Variants in FAM185A observed in about 807,000 individuals in gnomAD.
FAM185A encodes family with sequence similarity 185 member A.
A neutral mutation model predicts 45.7 loss-of-function variants in FAM185A; 21 were observed. The observed-to-expected ratio is 0.46, with a 90% CI of 0.33 to 0.66. The LOEUF (loss-of-function observed/expected upper bound fraction) is 0.66. Ranked by LOEUF, FAM185A falls within the 30% of genes least tolerant of loss-of-function variation. The pLI is 0.03. For synonymous variants in FAM185A, 117 were observed against 194.0 expected, an observed-to-expected ratio of 0.60 and a Z score of 3.30; for missense variants, 305 against 485.4, an observed-to-expected ratio of 0.63 and a Z score of 3.49.
chr7:102,778,879 T>C (rs1331187929), intron 6 of FAM185A, among the ~76,000 whole-genome samples: 1 of 152,228 alleles, frequency 6.6e-6, no homozygotes, highest in East Asian at 1.9e-4. Flanking sequence ...TGGAATCCAT[T>C]CCAACTCTGC....
chr7:102,827,750 C>T, the FAM185A span, among the ~76,000 whole-genome samples: 23 of 152,166 alleles, frequency 1.5e-4, no homozygotes, highest in Admixed American at 1.0e-3. Context: ...TTGTTCAATT[C>T]CCACCTATGA....
rs527738651 is a variant in FAM185A, at chr7:102,790,347, T to C, written c.1066+2878T>C. ...GTTTTTTACCTCTATTATAATCTTATGGGACAACCATCATTTCTGTAGTTC... is the reference window on the plus strand; with the variant it reads ...GTTTTTTACCTCTATTATAATCTTACGGGACAACCATCATTTCTGTAGTTC... On this transcript the variant is annotated intron_variant, in intron 7 of 7. Transcript: ENST00000413034. Among the ~76,000 whole-genome samples, 8 of 152,310 alleles carry C rather than the reference T, an allele frequency of 5.3e-5. No homozygotes were observed. The East Asian group carries it at 1.3e-3, about 26-fold the overall frequency.
the FAM185A span, among the ~76,000 whole-genome samples, chr7:102,848,725 G>A: frequency 0.014 from 2,128 of 152,022 alleles, 115 homozygotes; most frequent in East Asian, 0.16. Flanking sequence ...CAGGCACGGC[G>A]CCTCACACCC....
At chr7:102,829,325 C>A in the FAM185A span, among the ~76,000 whole-genome samples, 1 of 152,320 alleles carries the variant, frequency 6.6e-6, no homozygotes, top group South Asian at 2.1e-4. Flanking sequence ...CAGACTCAGA[C>A]AAGTTGGTAA....
At chr7:102,814,052 G>C (rs1214552735), downstream of FAM185A, among the ~76,000 whole-genome samples, 1 of 152,018 alleles carries the variant, frequency 6.6e-6, no homozygotes, top group Non-Finnish European at 1.5e-5. Flanking sequence ...TGACTCAAAG[G>C]TGTCACAACA....
intron 4 of FAM185A, among the ~76,000 whole-genome samples, chr7:102,764,833 A>T (rs1794294243): frequency 6.6e-6 from 1 of 152,146 alleles, no homozygotes; most frequent in Non-Finnish European, 1.5e-5. Context: ...AGCAGAAAAA[A>T]AAAATCCAAC....
At chr7:102,788,507 A>C (rs2129441826) in intron 7 of FAM185A, among the ~76,000 whole-genome samples, 1 of 152,322 alleles carries the variant, frequency 6.6e-6, no homozygotes. Context: ...AAATTAAGAA[A>C]GTTGTCTGTT....
At chr7:102,787,968 G>T (rs1057312867) in intron 7 of FAM185A, among the ~76,000 whole-genome samples, 8 of 151,948 alleles carry the variant, frequency 5.3e-5, no homozygotes, top group Non-Finnish European at 8.8e-5. Context: ...TCATTGGTTG[G>T]TTTTTTTGTT....
chr7:102,814,617 G>C, the FAM185A span, among the ~76,000 whole-genome samples: 1 of 152,136 alleles, frequency 6.6e-6, no homozygotes, highest in African/African-American at 2.4e-5. Context: ...CTTATTATTG[G>C]CTCTCACACA....
the FAM185A span, among the ~76,000 whole-genome samples, chr7:102,826,769 A>ATATATATATATG: frequency 6.9e-3 from 693 of 100,606 alleles, 45 homozygotes; most frequent in Non-Finnish European, 8.7e-3. Context: ...ATATATATAT[A>ATATATATATATG]TATGTATATA....
the FAM185A span, among the ~76,000 whole-genome samples, chr7:102,834,138 GA>G: frequency 1.6e-5 from 2 of 123,898 alleles, no homozygotes; most frequent in Admixed American, 1.5e-4. Flanking sequence ...AAGAAAGAAA[GA>G]AAAGAGAAGA....
At chr7:102,815,754 C>G in the FAM185A span, among the ~76,000 whole-genome samples, 1 of 151,954 alleles carries the variant, frequency 6.6e-6, no homozygotes, top group African/African-American at 2.4e-5. Flanking sequence ...CTCTAGATAA[C>G]TGGTAAGAGG....
chr7:102,846,954 G>T, the FAM185A span, among the ~76,000 whole-genome samples: 1 of 151,870 alleles, frequency 6.6e-6, no homozygotes, highest in African/African-American at 2.4e-5. Flanking sequence ...TCTAAGAATG[G>T]TGTTTATATA....
At chr7:102,813,189 G>T, downstream of FAM185A, 1 of 738,678 alleles carries the variant, frequency 1.4e-6, no homozygotes. Flanking sequence ...CTACTGATGT[G>T]TTTGGAAATA....
the FAM185A span, among the ~76,000 whole-genome samples, chr7:102,838,408 G>T: frequency 6.6e-6 from 1 of 151,940 alleles, no homozygotes; most frequent in East Asian, 1.9e-4. Context: ...GCTTCTCTGT[G>T]GCTCTGATTG....
At chr7:102,841,734 G>T in the FAM185A span, among the ~76,000 whole-genome samples, 1 of 152,198 alleles carries the variant, frequency 6.6e-6, no homozygotes, top group Non-Finnish European at 1.5e-5. Flanking sequence ...TTTGAAGAAA[G>T]AATAATGCCT....
chr7:102,785,430 T>C (rs1195280107), intron 6 of FAM185A, among the ~76,000 whole-genome samples: 1 of 151,520 alleles, frequency 6.6e-6, no homozygotes, highest in Non-Finnish European at 1.5e-5. Flanking sequence ...CTTCAAACTA[T>C]ACTACAAGGC....
chr7:102,825,145 C>A, the FAM185A span, among the ~76,000 whole-genome samples: 1 of 151,922 alleles, frequency 6.6e-6, no homozygotes, highest in South Asian at 2.1e-4. Flanking sequence ...GGACTGTTAC[C>A]CTTAGGATAG....
chr7:102,765,916 AAAT>A (rs1275295064), intron 4 of FAM185A, among the ~76,000 whole-genome samples: 2 of 152,044 alleles, frequency 1.3e-5, no homozygotes, highest in African/African-American at 4.8e-5. Context: ...ATTTCCTTCT[AAAT>A]AATCAAAAAT....
Sources: allele counts gnomAD v4.1 joint callset (sites outside exome capture counted in the v4.1 genomes callset), GRCh38; gene constraint gnomAD v4.1.1; transcripts MANE v1.5; gene names NCBI Gene and HGNC (gene_info 2026-07-23, HGNC 2026-07-21).